The following FUT9 variants were observed in gnomAD, a reference collection of about 807,000 sequenced individuals.
The protein encoded by FUT9 is 4-galactosyl-N-acetylglucosaminide 3-alpha-L-fucosyltransferase 9.
In FUT9, 15 loss-of-function variants were observed where a neutral mutation model predicts 29.7. The observed-to-expected ratio is 0.51, with a 90% CI of 0.34 to 0.78. FUT9 has a LOEUF of 0.78. FUT9 is among the 30% of genes least tolerant of loss of function. The probability of loss-of-function intolerance (pLI) is 0.01; values close to 1 mark genes in which losing one functional copy is unlikely to be tolerated. For missense variants in FUT9, 319 were observed against 425.4 expected, an observed-to-expected ratio of 0.75 and a Z score of 2.20; for synonymous variants, 169 against 153.7, an observed-to-expected ratio of 1.10 and a Z score of -0.74.
intron 1 of FUT9, chr6:96,036,720 G>A (rs1277824529): frequency 2.0e-5 from 3 of 151,844 alleles, no homozygotes; most frequent in Non-Finnish European, 4.4e-5. Flanking sequence ...CCATTGCTGT[G>A]GTTTGTCTGT....
At chr6:96,163,959 G>C (rs1477712535) in intron 2 of FUT9, among the ~76,000 whole-genome samples, 1 of 152,196 alleles carries the variant, frequency 6.6e-6, no homozygotes, top group Admixed American at 6.5e-5. Context: ...TAACATGCCT[G>C]TGACACAACC....
intron 2 of FUT9, among the ~76,000 whole-genome samples, chr6:96,130,463 A>C (rs964509919): frequency 1.3e-5 from 2 of 152,116 alleles, no homozygotes; most frequent in Admixed American, 6.5e-5. Context: ...TTAGTGCTTT[A>C]AAAATTAAAT....
Position 96,212,881 on chromosome 6 carries a change from A to G in FUT9, c.*8646A>G, listed in dbSNP as rs1773964693. ...CAAGAAACAAGAAGAGGAGTAGTAA[A>G]CTAAGGATCAAAGCCCAAGTTCCAG... On this transcript the variant is annotated 3_prime_UTR_variant, in exon 3 of 3. Transcript: ENST00000302103. 1.2e-5 allele frequency: 2 copies of G among 166,730 alleles called. No homozygotes were observed. The highest frequency in any genetic ancestry group is 4.8e-5 in the African/African-American group (2 of 41,430). 10.3% of individuals were successfully genotyped at this position (166,730 alleles called of 1,614,324 possible). A position where few individuals can be genotyped will look rare whatever the true frequency, so the allele number is the denominator to read the frequency against.
At chr6:96,124,622 C>A (rs1382703251) in intron 2 of FUT9, among the ~76,000 whole-genome samples, 1 of 151,836 alleles carries the variant, frequency 6.6e-6, no homozygotes, top group Non-Finnish European at 1.5e-5. Context: ...AGAAGTCTGA[C>A]CCTGCCAGTT....
intron 2 of FUT9, among the ~76,000 whole-genome samples, chr6:96,170,779 C>T (rs1773099678): frequency 6.6e-6 from 1 of 152,054 alleles, no homozygotes; most frequent in African/African-American, 2.4e-5. Context: ...ATTTTAAACC[C>T]TGGAGAATGG....
intron 2 of FUT9, among the ~76,000 whole-genome samples, chr6:96,170,924 G>T (rs1773101790): frequency 1.3e-5 from 2 of 151,868 alleles, no homozygotes; most frequent in South Asian, 4.2e-4. Context: ...CTACACTTTT[G>T]AGGACAACAT....
chr6:96,126,745 A>G (rs1482031812), intron 2 of FUT9, among the ~76,000 whole-genome samples: 1 of 152,228 alleles, frequency 6.6e-6, no homozygotes, highest in Non-Finnish European at 1.5e-5. Flanking sequence ...TTATAAACAT[A>G]CTTATTTCAC....
intron 2 of FUT9, among the ~76,000 whole-genome samples, chr6:96,134,494 T>C (rs751457608): frequency 6.6e-6 from 1 of 151,882 alleles, no homozygotes; most frequent in Non-Finnish European, 1.5e-5. Context: ...TCTATTGTTT[T>C]ATAAAACTCT....
At chr6:96,178,309 G>T (rs1051483550) in intron 2 of FUT9, among the ~76,000 whole-genome samples, 3 of 151,972 alleles carry the variant, frequency 2.0e-5, no homozygotes, top group Admixed American at 6.6e-5. Context: ...ATATCACAAC[G>T]TATTTCCTCA....
intron 2 of FUT9, among the ~76,000 whole-genome samples, chr6:96,164,322 G>A (rs1772972651): frequency 6.9e-6 from 1 of 145,826 alleles, no homozygotes; most frequent in South Asian, 2.2e-4. Context: ...GCAGTGGCGC[G>A]ATCTCAGCTC....
At chr6:96,021,116 A>G (rs1486466471) in intron 1 of FUT9, 1 of 152,034 alleles carries the variant, frequency 6.6e-6, no homozygotes, top group East Asian at 1.9e-4. Flanking sequence ...TGTCCAGGAA[A>G]AACTCAAAAA....
intron 2 of FUT9, among the ~76,000 whole-genome samples, chr6:96,167,791 T>C (rs996591277): frequency 6.6e-6 from 1 of 151,824 alleles, no homozygotes; most frequent in African/African-American, 2.4e-5. Flanking sequence ...GAGAGAAGAG[T>C]GCTCCAGGTA....
At chr6:96,067,778 A>G (rs1015937369) in intron 1 of FUT9, among the ~76,000 whole-genome samples, 3 of 152,194 alleles carry the variant, frequency 2.0e-5, no homozygotes, top group East Asian at 1.9e-4. Flanking sequence ...TGTGGAGACT[A>G]TAAAGCTAGT....
chr6:96,215,344 A>G lies in FUT9; in HGVS notation c.*11109A>G, dbSNP rs927794259. The G allele has an allele frequency of 2.5e-4, 41 of 166,984 alleles. No homozygotes were observed. The highest frequency in any genetic ancestry group is 9.6e-4 in the African/African-American group (40 of 41,456). 10.3% of individuals were successfully genotyped at this position (166,984 alleles called of 1,614,324 possible). On this transcript the variant is annotated 3_prime_UTR_variant, in exon 3 of 3. Coordinates refer to ENST00000302103, the MANE Select transcript of FUT9 (RefSeq NM_006581.4). ...CTTATAAATATATGGTGTGATTGCT[A>G]TAATTTTGTGAAATTTTATTCAGCA...
intron 2 of FUT9, among the ~76,000 whole-genome samples, chr6:96,199,323 G>A (rs570609856): frequency 6.6e-6 from 1 of 152,136 alleles, no homozygotes; most frequent in East Asian, 1.9e-4. Flanking sequence ...GCCCCAAGAG[G>A]CAAACTTTTT....
chr6:96,112,190 A>G (rs548411093), intron 1 of FUT9, among the ~76,000 whole-genome samples: 1 of 152,182 alleles, frequency 6.6e-6, no homozygotes, highest in Non-Finnish European at 1.5e-5. Context: ...AATACCTCCC[A>G]GCTTCTTAAT....
intron 1 of FUT9, among the ~76,000 whole-genome samples, chr6:96,062,423 A>G (rs950151683): frequency 1.3e-5 from 2 of 152,134 alleles, no homozygotes; most frequent in African/African-American, 4.8e-5. Flanking sequence ...TTATCTATGT[A>G]AATAATTGAA....
At position 96,204,134 on chromosome 6, in the gene FUT9, C is replaced by T; in HGVS notation, c.979C>T (p.Pro327Ser). ...GAGGAAGGATTTCACTGTAAATCTTCCACGATTTTGGGAATCACATGCATG... is the reference window on the plus strand; with the variant it reads ...GAGGAAGGATTTCACTGTAAATCTTTCACGATTTTGGGAATCACATGCATG... ...NWRKDFTVNL[P>S]RFWESHACLA... Residue 327 changes from proline to serine, a missense_variant, in exon 3 of 3, where the codon CCA (proline) becomes TCA (serine). Coordinates refer to ENST00000302103, the MANE Select transcript of FUT9 (RefSeq NM_006581.4). 1 of 1,495,656 alleles carries T rather than the reference C, an allele frequency of 6.7e-7. No homozygotes were observed. The highest frequency in any genetic ancestry group is 8.9e-7 in the Non-Finnish European group (1 of 1,121,846). 92.6% of individuals were successfully genotyped at this position (1,495,656 alleles called of 1,614,324 possible). A position where few individuals can be genotyped will look rare whatever the true frequency, so the allele number is the denominator to read the frequency against.
intron 1 of FUT9, among the ~76,000 whole-genome samples, chr6:96,110,999 A>C (rs1771796219): frequency 6.6e-6 from 1 of 152,104 alleles, no homozygotes; most frequent in Non-Finnish European, 1.5e-5. Flanking sequence ...CTTTATACAA[A>C]ATTCCATGCA....
Sources: gnomAD v4.1 joint callset for allele counts (sites outside exome capture counted in the v4.1 genomes callset) on GRCh38, gnomAD v4.1.1 for gene constraint, MANE v1.5 for transcripts, NCBI Gene and HGNC (gene_info 2026-07-23, HGNC 2026-07-21) for gene names.